Variants in GRK3 observed in about 807,000 individuals in gnomAD.
GRK3 encodes G protein-coupled receptor kinase 3.
In GRK3, 54 loss-of-function variants were observed where a neutral mutation model predicts 95.7. That is an observed-to-expected ratio of 0.56 (90% CI 0.45 to 0.71). GRK3 has a LOEUF of 0.71. Among genes scored for constraint, GRK3 ranks in the 30% least tolerant of loss-of-function variants. The pLI, the probability that GRK3 is intolerant of heterozygous loss-of-function variation, is 0.00. For synonymous variants in GRK3, 281 were observed against 290.8 expected (o/e 0.97, Z 0.34); for missense variants, 649 against 851.2 (o/e 0.76, Z 2.96).
At chr22:25,674,672 G>T in intron 8 of GRK3, 144 bp downstream of exon 8, 1 of 671,636 alleles carries the variant, frequency 1.5e-6, no homozygotes, top group Non-Finnish European at 2.5e-6. Context: ...GCTGTAGGCC[G>T]GGCGTGGTGG....
At chr22:25,660,465 C>G (rs1219609093) in intron 3 of GRK3, among the ~76,000 whole-genome samples, 2 of 152,172 alleles carry the variant, frequency 1.3e-5, no homozygotes, top group African/African-American at 2.4e-5. Flanking sequence ...GATGATCTTT[C>G]AGGACAATTA....
At chr22:25,661,741 C>T in intron 4 of GRK3, 64 bp downstream of exon 4, 1 of 1,067,518 alleles carries the variant, frequency 9.4e-7, no homozygotes, top group Non-Finnish European at 1.4e-6. Flanking sequence ...TTCAGCGTTT[C>T]CAGAATGAAA....
At chr22:25,586,548 G>T (rs1457602449) in intron 1 of GRK3, among the ~76,000 whole-genome samples, 1 of 152,274 alleles carries the variant, frequency 6.6e-6, no homozygotes, top group East Asian at 1.9e-4. Flanking sequence ...ACAGTCCATT[G>T]TGGGAAATGA....
Position 25,727,372 on chromosome 22 carries a change from C to T in GRK3, c.*4922C>T, listed in dbSNP as rs1319501628. 1 of 152,102 alleles carries T rather than the reference C, an allele frequency of 6.6e-6. No homozygotes were observed. Among genetic ancestry groups the T allele is most frequent in the Non-Finnish European group, 1.5e-5 (1 of 68,024 alleles). 9.4% of individuals were successfully genotyped at this position (152,102 alleles called of 1,614,324 possible). A position where few individuals can be genotyped will look rare whatever the true frequency, so the allele number is the denominator to read the frequency against. ...GGTACTCCTTGGCTTCCTCAAGTCA[C>T]AATGAACTTTATATTTTCTTTGTCC... On this transcript the variant is annotated 3_prime_UTR_variant, in exon 21 of 21. Transcript: ENST00000324198.
intron 1 of GRK3, among the ~76,000 whole-genome samples, chr22:25,565,484 C>CT (rs1262796123): frequency 6.6e-6 from 1 of 152,172 alleles, no homozygotes; most frequent in African/African-American, 2.4e-5. Flanking sequence ...CTGTCCTGCC[C>CT]TGTCCCATCC....
At chr22:25,566,985 T>C (rs1049737215) in intron 1 of GRK3, among the ~76,000 whole-genome samples, 2 of 152,028 alleles carry the variant, frequency 1.3e-5, no homozygotes, top group African/African-American at 4.8e-5. Flanking sequence ...TGGAACTTAA[T>C]GTGACTTCTG....
intron 5 of GRK3, among the ~76,000 whole-genome samples, chr22:25,665,173 G>A (rs543737317): frequency 2.0e-5 from 3 of 152,298 alleles, no homozygotes; most frequent in South Asian, 2.1e-4. Context: ...GGGTGCACAC[G>A]GGTTGCTTTG....
At chr22:25,651,910 G>A (rs1249419762) in intron 3 of GRK3, among the ~76,000 whole-genome samples, 1 of 152,182 alleles carries the variant, frequency 6.6e-6, no homozygotes, top group Admixed American at 6.5e-5. Flanking sequence ...TACCAAAAAA[G>A]GAAGTTAGCA....
chr22:25,649,468 A>T (rs773742495), intron 3 of GRK3, among the ~76,000 whole-genome samples: 9 of 152,250 alleles, frequency 5.9e-5, no homozygotes, highest in Non-Finnish European at 1.2e-4. Flanking sequence ...TAGAGCTAAG[A>T]TACTGATGAC....
At chr22:25,680,513 A>C (rs957037000) in intron 9 of GRK3, among the ~76,000 whole-genome samples, 1 of 152,172 alleles carries the variant, frequency 6.6e-6, no homozygotes, top group Non-Finnish European at 1.5e-5. Context: ...TAAACGTTTT[A>C]ATGTTGGAAA....
chr22:25,646,211 T>G (rs1342009420), intron 3 of GRK3, among the ~76,000 whole-genome samples: 3 of 152,172 alleles, frequency 2.0e-5, no homozygotes, highest in Admixed American at 1.3e-4. Flanking sequence ...ATATTGGAGT[T>G]AGCAGACAAT....
intron 2 of GRK3, among the ~76,000 whole-genome samples, chr22:25,642,715 G>A (rs1210435239): frequency 1.3e-5 from 2 of 152,182 alleles, no homozygotes; most frequent in Non-Finnish European, 2.9e-5. Flanking sequence ...AGAATGTGCA[G>A]TATTTGAGTC....
chr22:25,569,494 T>C (rs903190415), intron 1 of GRK3, among the ~76,000 whole-genome samples: 3 of 152,178 alleles, frequency 2.0e-5, no homozygotes, highest in Non-Finnish European at 2.9e-5. Context: ...CAGTCCCAGC[T>C]TTTACACGCA....
chr22:25,659,314 T>C (rs1176400344), intron 3 of GRK3, among the ~76,000 whole-genome samples: 3 of 152,150 alleles, frequency 2.0e-5, no homozygotes, highest in South Asian at 2.1e-4. Context: ...GAGCCTTGGA[T>C]TGGGCCAGAC....
intron 15 of GRK3, among the ~76,000 whole-genome samples, chr22:25,706,632 G>T (rs2085302049): frequency 6.6e-6 from 1 of 152,160 alleles, no homozygotes; most frequent in Non-Finnish European, 1.5e-5. Flanking sequence ...CCAGGTTCAA[G>T]TGATTCTCCT....
At chr22:25,588,968 G>A (rs1263787033) in intron 1 of GRK3, among the ~76,000 whole-genome samples, 3 of 151,924 alleles carry the variant, frequency 2.0e-5, no homozygotes, top group South Asian at 2.1e-4. Flanking sequence ...AGGGGTTCTC[G>A]CTATGTTGCC....
At chr22:25,629,142 A>C (rs1329473825) in intron 2 of GRK3, among the ~76,000 whole-genome samples, 1 of 152,202 alleles carries the variant, frequency 6.6e-6, no homozygotes, top group Non-Finnish European at 1.5e-5. Flanking sequence ...CTGTGGGGGC[A>C]TAGAAGGGGC....
chr22:25,680,019 C>T (rs1006967456), intron 9 of GRK3, among the ~76,000 whole-genome samples: 1 of 152,182 alleles, frequency 6.6e-6, no homozygotes, highest in Non-Finnish European at 1.5e-5. Flanking sequence ...ACTTTTTGGC[C>T]AGTGCTCCTT....
chr22:25,711,905 T>G (rs2085347035), intron 17 of GRK3, among the ~76,000 whole-genome samples: 1 of 152,208 alleles, frequency 6.6e-6, no homozygotes, highest in South Asian at 2.1e-4. Context: ...GCTGCAGCAC[T>G]ATTAAAACAC....
Sources: gnomAD v4.1 joint callset for allele counts (sites outside exome capture counted in the v4.1 genomes callset) on GRCh38, gnomAD v4.1.1 for gene constraint, MANE v1.5 for transcripts, NCBI Gene and HGNC (gene_info 2026-07-23, HGNC 2026-07-21) for gene names.